CFAP119: variants seen among roughly 807,000 people sequenced by gnomAD.
CFAP119 encodes the protein cilia and flagella associated protein 119.
the CFAP119 span, chr16:30,760,085 C>T: frequency 2.6e-6 from 4 of 1,536,818 alleles, no homozygotes; most frequent in Non-Finnish European, 3.5e-6. Flanking sequence ...TCAGAACAGT[C>T]CTGTAAAATG....
At chr16:30,760,476 G>A in the CFAP119 span, 3 of 1,613,108 alleles carry the variant, frequency 1.9e-6, no homozygotes, top group East Asian at 4.5e-5. Context: ...AGAGGAGTGA[G>A]TGACAACTGG....
the CFAP119 span, chr16:30,761,629 C>T: frequency 8.2e-4 from 1,255 of 1,535,990 alleles, 1 homozygote; most frequent in Non-Finnish European, 1.0e-3. Context: ...CACGCGTCCG[C>T]GCGGCCGACC....
the CFAP119 span, chr16:30,761,216 C>T: frequency 1.2e-6 from 2 of 1,613,964 alleles, no homozygotes; most frequent in Non-Finnish European, 8.5e-7. Context: ...GATCCGGGGT[C>T]GGGGCAGCGG....
chr16:30,760,054 T>C, the CFAP119 span: 4 of 1,526,730 alleles, frequency 2.6e-6, no homozygotes, highest in Non-Finnish European at 3.5e-6. Context: ...GCACTATGCA[T>C]ATATTTGCAT....
the CFAP119 span, chr16:30,760,347 A>G: frequency 6.2e-7 from 1 of 1,614,214 alleles, no homozygotes; most frequent in South Asian, 1.1e-5. Context: ...TCCAGTGAGA[A>G]GCCCTGCTGG....
the CFAP119 span, chr16:30,757,970 G>C: frequency 2.5e-6 from 1 of 402,644 alleles, no homozygotes; most frequent in Non-Finnish European, 4.0e-6. Context: ...ATAGGATTGA[G>C]GGAGGATTAA....
chr16:30,758,293 G>C, the CFAP119 span: 1 of 152,660 alleles, frequency 6.6e-6, no homozygotes, highest in Non-Finnish European at 1.5e-5. Context: ...GGATGGACTC[G>C]ATCTCCTGAC....
the CFAP119 span, chr16:30,759,314 T>C: frequency 3.7e-6 from 6 of 1,612,148 alleles, no homozygotes; most frequent in Non-Finnish European, 5.1e-6. Flanking sequence ...CGGTTGAGGG[T>C]GGCTCCTCAT....
the CFAP119 span, chr16:30,760,655 C>A: frequency 1.9e-6 from 3 of 1,551,746 alleles, no homozygotes; most frequent in Non-Finnish European, 2.6e-6. Flanking sequence ...ATGGAATGGA[C>A]GTCCAGGTAC....
chr16:30,760,057 A>G, the CFAP119 span: 1 of 1,528,684 alleles, frequency 6.5e-7, no homozygotes, highest in Non-Finnish European at 8.7e-7. Flanking sequence ...CTATGCATAT[A>G]TTTGCATATA....
chr16:30,761,822 G>A, the CFAP119 span: 2 of 1,381,180 alleles, frequency 1.4e-6, no homozygotes, highest in African/African-American at 1.4e-5. Context: ...GCGCTCGGTC[G>A]GCGGCTACCA....
chr16:30,761,417 C>A, the CFAP119 span: 1 of 1,423,120 alleles, frequency 7.0e-7, no homozygotes, highest in East Asian at 2.5e-5. Flanking sequence ...GGGTCACACA[C>A]CCCTGCCTCT....
At chr16:30,759,529 C>A in the CFAP119 span, 1 of 1,614,132 alleles carries the variant, frequency 6.2e-7, no homozygotes, top group Non-Finnish European at 8.5e-7. Context: ...AAAAGCCCAG[C>A]AACAGGAGCA....
At chr16:30,758,072 CTTT>C in the CFAP119 span, 10 of 140,204 alleles carry the variant, frequency 7.1e-5, no homozygotes, top group South Asian at 2.3e-4. Context: ...TTGGCTTTCT[CTTT>C]TTTTTTTTTT....
chr16:30,761,420 CT>C, the CFAP119 span: 1 of 1,431,468 alleles, frequency 7.0e-7, no homozygotes, highest in South Asian at 1.2e-5. Context: ...TCACACACCC[CT>C]GCCTCTCCTC....
At chr16:30,758,517 GATC>G in the CFAP119 span, 1 of 194,872 alleles carries the variant, frequency 5.1e-6, no homozygotes, top group Middle Eastern at 2.3e-3. Context: ...GCTTTCTAAT[GATC>G]ATTTCTCTGG....
At chr16:30,761,882 C>T in the CFAP119 span, 1 of 898,842 alleles carries the variant, frequency 1.1e-6, no homozygotes, top group South Asian at 1.8e-5. Context: ...CGGAGAGGCG[C>T]GGCGGGGCGA....
the CFAP119 span, chr16:30,757,738 C>G: frequency 6.7e-7 from 1 of 1,496,274 alleles, no homozygotes; most frequent in Non-Finnish European, 8.9e-7. Flanking sequence ...GCAAACAGTC[C>G]CCAAATTTCC....
the CFAP119 span, chr16:30,761,726 T>C: frequency 2.0e-6 from 3 of 1,528,186 alleles, no homozygotes; most frequent in Non-Finnish European, 2.6e-6. Flanking sequence ...TCCCAAAAAG[T>C]GGCTGGTCTT....
Sources: allele counts gnomAD v4.1 joint callset, GRCh38; gene constraint gnomAD v4.1.1; transcripts MANE v1.5; gene names NCBI Gene and HGNC (gene_info 2026-07-23, HGNC 2026-07-21).